The following CSNK1G3 variants were observed in gnomAD, a reference collection of about 807,000 sequenced individuals.
The protein encoded by CSNK1G3 is casein kinase I isoform gamma-3.
A neutral mutation model predicts 64.3 loss-of-function variants in CSNK1G3; 23 were observed. The observed-to-expected ratio is 0.36, with a 90% CI of 0.26 to 0.51. The LOEUF is 0.51. Among genes scored for constraint, CSNK1G3 ranks in the 20% least tolerant of loss-of-function variants. The pLI is 0.96. For synonymous variants in CSNK1G3, 158 were observed against 162.2 expected (o/e 0.97, Z 0.20); for missense variants, 357 against 510.5 (o/e 0.70, Z 2.90).
chr5:123,593,200 T>TACACAC lies in CSNK1G3; in HGVS notation c.1086+1787_1086+1788insCACACA, dbSNP rs775669511. 7.7e-3 allele frequency among the ~76,000 whole-genome samples: 707 copies of TACACAC among 91,806 alleles called. 2 individuals are homozygous for TACACAC. Among genetic ancestry groups the TACACAC allele is most frequent in the African/African-American group, 0.02 (434 of 21,672 alleles). 60.2% of individuals were successfully genotyped at this position (91,806 alleles called of 152,430 possible). A position where few individuals can be genotyped will look rare whatever the true frequency, so the allele number is the denominator to read the frequency against. ...AATGTAGGGTGGGTGTGTGTGTATA[T>TACACAC]ATACACACACACACACACACACACA... is the stretch of plus-strand genomic sequence containing the variant. On this transcript the variant is annotated intron_variant, in intron 10 of 12. Transcript: ENST00000345990.
At chr5:123,557,918 A>G (rs1784933781) in intron 4 of CSNK1G3, among the ~76,000 whole-genome samples, 1 of 152,212 alleles carries the variant, frequency 6.6e-6, no homozygotes, top group African/African-American at 2.4e-5. Context: ...TCTGTATCAT[A>G]ATCCCTAGAA....
chr5:123,612,846 A>G (rs1325130766), intron 12 of CSNK1G3, among the ~76,000 whole-genome samples: 1 of 152,202 alleles, frequency 6.6e-6, no homozygotes, highest in Non-Finnish European at 1.5e-5. Flanking sequence ...TATTATACAC[A>G]GTCTGAATTG....
At chr5:123,587,187 C>T (rs1791487485) in intron 6 of CSNK1G3, among the ~76,000 whole-genome samples, 1 of 152,176 alleles carries the variant, frequency 6.6e-6, no homozygotes, top group Non-Finnish European at 1.5e-5. Flanking sequence ...TAGTTCAGAG[C>T]CATACTTTGA....
At chr5:123,521,770 C>A (rs1271133833) in intron 1 of CSNK1G3, among the ~76,000 whole-genome samples, 1 of 151,852 alleles carries the variant, frequency 6.6e-6, no homozygotes, top group Admixed American at 6.6e-5. Flanking sequence ...TAACATTTAA[C>A]TAAATAGATG....
chr5:123,612,505 TCTCA>T (rs1340224887), intron 12 of CSNK1G3, among the ~76,000 whole-genome samples: 1 of 149,526 alleles, frequency 6.7e-6, no homozygotes, highest in Non-Finnish European at 1.5e-5. Flanking sequence ...TGGAACAGAG[TCTCA>T]CTCTGTCGCC....
At chr5:123,512,454 T>C (rs1305145005) in exon 1 of CSNK1G3, 1 of 149,976 alleles carries the variant, frequency 6.7e-6, no homozygotes, top group African/African-American at 2.4e-5. Flanking sequence ...CTCGCTTTCC[T>C]CCTCCGGCCG....
chr5:123,573,001 A>G lies in CSNK1G3; in HGVS notation c.290-392A>G, dbSNP rs552078851. ...CAGTGGTGATCTTAGCAGTATGCCT[A>G]TCACATGGTTATTAAAGCCAGTAGT... On this transcript the variant is annotated intron_variant, in intron 4 of 12. Transcript: ENST00000345990. 3.9e-5 allele frequency among the ~76,000 whole-genome samples: 6 copies of G among 152,348 alleles called. No homozygotes were observed. The South Asian group carries it at 6.2e-4, about 16-fold the overall frequency.
At chr5:123,594,966 T>A in intron 10 of CSNK1G3, 73 bp from the exon 11 acceptor site, 2 of 1,271,090 alleles carry the variant, frequency 1.6e-6, no homozygotes, top group Non-Finnish European at 2.3e-6. Context: ...TTTTATATAT[T>A]ATGAGGATAA....
At chr5:123,589,025 T>A (rs1474716451) in intron 8 of CSNK1G3, among the ~76,000 whole-genome samples, 1 of 152,114 alleles carries the variant, frequency 6.6e-6, no homozygotes, top group Non-Finnish European at 1.5e-5. Context: ...TTATGGCAAC[T>A]CAAATTAAGC....
At chr5:123,548,883 C>A (rs1783102916) in intron 2 of CSNK1G3, among the ~76,000 whole-genome samples, 1 of 152,020 alleles carries the variant, frequency 6.6e-6, no homozygotes, top group South Asian at 2.1e-4. Context: ...CATTGGAAAC[C>A]CCAAAACACA....
At chr5:123,554,383 A>C (rs1784239660) in intron 3 of CSNK1G3, among the ~76,000 whole-genome samples, 1 of 152,210 alleles carries the variant, frequency 6.6e-6, no homozygotes, top group Non-Finnish European at 1.5e-5. Flanking sequence ...TCAAGCTCTC[A>C]GATTCAGGAA....
At chr5:123,605,399 T>C (rs1421819124) in intron 12 of CSNK1G3, 37 bp downstream of exon 13, 2 of 1,601,432 alleles carry the variant, frequency 1.2e-6, no homozygotes, top group Non-Finnish European at 1.7e-6. Context: ...AATAGCTCCA[T>C]TGACTGTAAT....
rs568174719 is a variant in CSNK1G3 at position 123,524,878 on chromosome 5, G to T, written c.-248+12308G>T. Among the ~76,000 whole-genome samples, 29 of 151,766 alleles carry T rather than the reference G, an allele frequency of 1.9e-4. No individual in the cohort carries two copies. The South Asian group carries it at 5.8e-3, about 30-fold the overall frequency. On this transcript the variant is annotated intron_variant, in intron 1 of 12. Coordinates refer to ENST00000345990, the Ensembl canonical transcript of CSNK1G3. ...CCTTAAACACTGAAGGATAATGGGT[G>T]GGGGGGAGCACTGGTGTTATATGCT... is the stretch of plus-strand genomic sequence containing the variant.
chr5:123,583,220 A>T (rs1790652632), intron 6 of CSNK1G3, among the ~76,000 whole-genome samples: 1 of 152,160 alleles, frequency 6.6e-6, no homozygotes, highest in African/African-American at 2.4e-5. Flanking sequence ...AGTTTTTTAA[A>T]CTATATGCAT....
At chr5:123,581,617 A>G (rs1244192216) in intron 6 of CSNK1G3, among the ~76,000 whole-genome samples, 2 of 151,634 alleles carry the variant, frequency 1.3e-5, no homozygotes, top group African/African-American at 2.4e-5. Context: ...ATATTACTAG[A>G]TTAGGTGTTT....
chr5:123,594,967 A>T, intron 10 of CSNK1G3, 72 bp from the exon 11 acceptor site: 3 of 1,275,744 alleles, frequency 2.4e-6, no homozygotes, highest in Non-Finnish European at 3.4e-6. Context: ...TTTATATATT[A>T]TGAGGATAAA....
intron 6 of CSNK1G3, among the ~76,000 whole-genome samples, chr5:123,579,733 A>G (rs531479329): frequency 1.3e-5 from 2 of 152,108 alleles, no homozygotes; most frequent in South Asian, 4.1e-4. Flanking sequence ...AGATTGAACT[A>G]TTATAATAAT....
intron 1 of CSNK1G3, among the ~76,000 whole-genome samples, chr5:123,536,349 A>G (rs1780802760): frequency 6.6e-6 from 1 of 151,854 alleles, no homozygotes; most frequent in Non-Finnish European, 1.5e-5. Flanking sequence ...CATAAATAAA[A>G]AGCTATATAT....
intron 1 of CSNK1G3, among the ~76,000 whole-genome samples, chr5:123,519,783 A>G (rs1351223809): frequency 6.6e-6 from 1 of 152,218 alleles, no homozygotes; most frequent in Non-Finnish European, 1.5e-5. Flanking sequence ...AAAATGAATC[A>G]TAGGAAGATT....
Sources: gnomAD v4.1 joint callset for allele counts (sites outside exome capture counted in the v4.1 genomes callset) on GRCh38, gnomAD v4.1.1 for gene constraint, MANE v1.5 for transcripts, NCBI Gene and HGNC (gene_info 2026-07-23, HGNC 2026-07-21) for gene names.